Variants in ARHGAP15 observed in about 807,000 individuals in gnomAD.
The protein encoded by ARHGAP15 is Rho GTPase activating protein 15.
A neutral mutation model predicts 63.7 loss-of-function variants in ARHGAP15; 51 were observed. The observed-to-expected ratio is 0.80, with a 90% CI of 0.64 to 1.01. The LOEUF (loss-of-function observed/expected upper bound fraction) is 1.01. Ranked by LOEUF, ARHGAP15 falls within the 50% of genes least tolerant of loss-of-function variation. ARHGAP15 has a pLI of 0.00. For missense variants in ARHGAP15, 560 were observed against 564.6 expected (o/e 0.99, Z 0.08); for synonymous variants, 191 against 193.8 (o/e 0.99, Z 0.12).
At chr2:143,203,450 G>C (rs6711472) in intron 3 of ARHGAP15, among the ~76,000 whole-genome samples, 25,586 of 151,984 alleles carry the variant, frequency 0.17, 2,346 homozygotes, top group Middle Eastern at 0.24. Context: ...CTTCTCAGTT[G>C]TCTCTTCAGT....
At chr2:143,716,671 A>G (rs1342213103) in intron 13 of ARHGAP15, among the ~76,000 whole-genome samples, 1 of 152,208 alleles carries the variant, frequency 6.6e-6, no homozygotes, top group Admixed American at 6.5e-5. Context: ...GAAAAAAATC[A>G]AGCAGACCTC....
chr2:143,759,531 G>T (rs1686688858), intron 13 of ARHGAP15, among the ~76,000 whole-genome samples: 2 of 152,086 alleles, frequency 1.3e-5, no homozygotes, highest in African/African-American at 4.8e-5. Context: ...CGAACCCAAA[G>T]AAATGATTTC....
intron 6 of ARHGAP15, among the ~76,000 whole-genome samples, chr2:143,348,351 A>G (rs1267795234): frequency 4.6e-5 from 7 of 151,830 alleles, no homozygotes; most frequent in Non-Finnish European, 8.8e-5. Context: ...ATAATGTTCT[A>G]CTCTGATAGC....
chr2:143,432,339 G>A (rs148847291), intron 6 of ARHGAP15, among the ~76,000 whole-genome samples: 14 of 152,036 alleles, frequency 9.2e-5, no homozygotes, highest in Admixed American at 6.6e-4. Flanking sequence ...ATTGATGAGA[G>A]TGTTACTTAA....
intron 6 of ARHGAP15, among the ~76,000 whole-genome samples, chr2:143,259,020 C>CTTT (rs5834942): frequency 6.7e-6 from 1 of 148,406 alleles, no homozygotes; most frequent in African/African-American, 2.5e-5. Flanking sequence ...TGATTGTGGT[C>CTTT]TTTTTTTTTT....
chr2:143,361,508 G>A (rs1291665818), intron 6 of ARHGAP15, among the ~76,000 whole-genome samples: 1 of 152,076 alleles, frequency 6.6e-6, no homozygotes, highest in Admixed American at 6.5e-5. Flanking sequence ...TGATGTTAAT[G>A]GTCACAGAAG....
chr2:143,397,346 G>GTGTGTA (rs1553474287), intron 6 of ARHGAP15, among the ~76,000 whole-genome samples: 1 of 129,370 alleles, frequency 7.7e-6, no homozygotes, highest in African/African-American at 2.7e-5. Flanking sequence ...GTGTGTGTGT[G>GTGTGTA]TATATATATA....
At chr2:143,738,041 T>G (rs1685819957) in intron 13 of ARHGAP15, among the ~76,000 whole-genome samples, 1 of 152,188 alleles carries the variant, frequency 6.6e-6, no homozygotes, top group Non-Finnish European at 1.5e-5. Context: ...GTTCGTTTAC[T>G]GCATTGCAAT....
At chr2:143,145,853 TG>T (rs1689564168) in intron 1 of ARHGAP15, among the ~76,000 whole-genome samples, 1 of 150,262 alleles carries the variant, frequency 6.7e-6, no homozygotes, top group East Asian at 2.0e-4. Flanking sequence ...TGTGTGTGTG[TG>T]TGTGTGTGTG....
At chr2:143,661,256 T>A (rs1450159920) in intron 12 of ARHGAP15, among the ~76,000 whole-genome samples, 1 of 152,222 alleles carries the variant, frequency 6.6e-6, no homozygotes, top group Non-Finnish European at 1.5e-5. Flanking sequence ...AAGTCCCCTT[T>A]GCCACGAAGA....
chr2:143,464,298 T>G (rs1691099466), intron 8 of ARHGAP15, among the ~76,000 whole-genome samples: 1 of 152,190 alleles, frequency 6.6e-6, no homozygotes, highest in South Asian at 2.1e-4. Context: ...TATTCCATTT[T>G]ATTTATTTTA....
chr2:143,666,101 A>G (rs1160146548), intron 12 of ARHGAP15, among the ~76,000 whole-genome samples: 2 of 149,492 alleles, frequency 1.3e-5, no homozygotes, highest in African/African-American at 2.4e-5. Flanking sequence ...AAAAGAGCCC[A>G]CATCCCCAAG....
chr2:143,150,427 C>A (rs765576378), intron 1 of ARHGAP15, among the ~76,000 whole-genome samples: 1 of 151,926 alleles, frequency 6.6e-6, no homozygotes, highest in Non-Finnish European at 1.5e-5. Flanking sequence ...CATCGAACCA[C>A]GTAGTTTGAG....
intron 13 of ARHGAP15, among the ~76,000 whole-genome samples, chr2:143,707,477 A>G (rs1162478497): frequency 6.6e-6 from 1 of 152,234 alleles, no homozygotes; most frequent in Non-Finnish European, 1.5e-5. Context: ...GTAGCAAACT[A>G]ATGAAATAGG....
At chr2:143,602,761 A>G (rs940063851) in intron 11 of ARHGAP15, among the ~76,000 whole-genome samples, 36 of 152,322 alleles carry the variant, frequency 2.4e-4, no homozygotes, top group African/African-American at 8.4e-4. Flanking sequence ...TCACTTCATC[A>G]GATATTTAAG....
chr2:143,267,219 A>G (rs373152644), intron 6 of ARHGAP15, among the ~76,000 whole-genome samples: 3 of 152,194 alleles, frequency 2.0e-5, no homozygotes, highest in African/African-American at 7.2e-5. Context: ...CAATCTAAAT[A>G]AAGGTTTGCC....
At chr2:143,396,311 T>C (rs1176642034) in intron 6 of ARHGAP15, among the ~76,000 whole-genome samples, 16 of 152,132 alleles carry the variant, frequency 1.1e-4, no homozygotes. Context: ...AGTAAGAACG[T>C]TATTAGTAAT....
chr2:143,522,912 C>T (rs1318315420), intron 10 of ARHGAP15, among the ~76,000 whole-genome samples: 1 of 152,092 alleles, frequency 6.6e-6, no homozygotes, highest in African/African-American at 2.4e-5. Flanking sequence ...GTAGAAATTG[C>T]TTACTTAAAA....
At chr2:143,320,405 CCCA>C (rs1381210479) in intron 6 of ARHGAP15, among the ~76,000 whole-genome samples, 8 of 17,766 alleles carry the variant, frequency 4.5e-4, no homozygotes, top group Non-Finnish European at 1.0e-3. Context: ...TCAGGACTTC[CCCA>C]CCCCCCCCCC....
Sources: gnomAD v4.1 joint callset for allele counts (sites outside exome capture counted in the v4.1 genomes callset) on GRCh38, gnomAD v4.1.1 for gene constraint, MANE v1.5 for transcripts, NCBI Gene and HGNC (gene_info 2026-07-23, HGNC 2026-07-21) for gene names.